WWOX: variants seen among roughly 807,000 people sequenced by gnomAD.
WWOX encodes WW domain containing oxidoreductase.
A neutral mutation model predicts 46.2 loss-of-function variants in WWOX; 69 were observed. The ratio of observed to expected loss-of-function variants is 1.49; its 90% confidence interval spans 1.23 to 1.82. The LOEUF (loss-of-function observed/expected upper bound fraction) is 1.82, where lower values mean the gene tolerates loss of function less well. Among genes scored for constraint, WWOX ranks in the 40% most tolerant of loss-of-function variants. The pLI is 0.00. For synonymous variants in WWOX, 359 were observed against 202.6 expected, an observed-to-expected ratio of 1.77 and a Z score of -6.56; for missense variants, 919 against 542.6, an observed-to-expected ratio of 1.69 and a Z score of -6.89.
chr16:78,625,911 A>G (rs1054892135), intron 8 of WWOX, among the ~76,000 whole-genome samples: 32 of 151,116 alleles, frequency 2.1e-4, no homozygotes, highest in African/African-American at 7.8e-4. Flanking sequence ...TAAGTTTTTA[A>G]GTAAGTTTAA....
At chr16:78,567,091 T>A (rs2044587818) in intron 8 of WWOX, among the ~76,000 whole-genome samples, 1 of 152,148 alleles carries the variant, frequency 6.6e-6, no homozygotes, top group Non-Finnish European at 1.5e-5. Flanking sequence ...ATTCTCAGTA[T>A]CAGAAGAAGA....
intron 8 of WWOX, among the ~76,000 whole-genome samples, chr16:78,822,462 C>G (rs1028075248): frequency 8.3e-6 from 1 of 120,420 alleles, no homozygotes; most frequent in Non-Finnish European, 1.8e-5. Flanking sequence ...CCAGTGTACT[C>G]CAGCCTGAGA....
intron 5 of WWOX, among the ~76,000 whole-genome samples, chr16:78,191,464 C>A (rs2035881452): frequency 6.6e-6 from 1 of 152,098 alleles, no homozygotes; most frequent in African/African-American, 2.4e-5. Context: ...AAATATGCCG[C>A]CACAATATAT....
intron 6 of WWOX, among the ~76,000 whole-genome samples, chr16:78,420,576 T>C (rs2082901456): frequency 1.3e-5 from 2 of 148,586 alleles, no homozygotes; most frequent in South Asian, 4.2e-4. Context: ...TAGGCGAATC[T>C]ATAGGACAGA....
At chr16:78,611,775 T>A (rs113146727) in intron 8 of WWOX, among the ~76,000 whole-genome samples, 4 of 152,302 alleles carry the variant, frequency 2.6e-5, no homozygotes, top group African/African-American at 9.6e-5. Context: ...CACTCCAGTA[T>A]CAGCTTCAGT....
intron 8 of WWOX, among the ~76,000 whole-genome samples, chr16:78,620,727 A>C (rs541581227): frequency 3.9e-5 from 6 of 152,298 alleles, no homozygotes; most frequent in African/African-American, 1.4e-4. Context: ...ATGGGTTAGC[A>C]AAATGCATAT....
rs139920179 is a variant in WWOX, at chr16:79,205,667, A to T, written c.1057-5941A>T. 3 of 152,348 alleles carry T rather than the reference A, an allele frequency of 2.0e-5. No homozygotes were observed. The East Asian group carries it at 5.8e-4, about 29-fold the overall frequency. 9.4% of individuals were successfully genotyped at this position (152,348 alleles called of 1,614,324 possible). A position where few individuals can be genotyped will look rare whatever the true frequency, so the allele number is the denominator to read the frequency against. On this transcript the variant is annotated intron_variant, in intron 8 of 8. Transcript: ENST00000566780. Reference sequence around the variant, plus strand: ...TAGCCTGTGAGTTAGCAAAACTCCCAAAGGTTTATGAAGAAAGTTACATTT... The same window carrying T: ...TAGCCTGTGAGTTAGCAAAACTCCCTAAGGTTTATGAAGAAAGTTACATTT...
intron 5 of WWOX, among the ~76,000 whole-genome samples, chr16:78,365,983 C>A (rs2081528047): frequency 6.6e-6 from 1 of 152,154 alleles, no homozygotes; most frequent in Non-Finnish European, 1.5e-5. Flanking sequence ...CAAGATGGGG[C>A]TTGTGATTTG....
At chr16:78,984,593 G>C (rs886401888) in intron 8 of WWOX, among the ~76,000 whole-genome samples, 1 of 152,214 alleles carries the variant, frequency 6.6e-6, no homozygotes, top group African/African-American at 2.4e-5. Flanking sequence ...TGTTCGGAGA[G>C]ATACTGACAT....
At chr16:79,196,135 C>T (rs1235217636) in intron 8 of WWOX, among the ~76,000 whole-genome samples, 1 of 152,178 alleles carries the variant, frequency 6.6e-6, no homozygotes, top group Non-Finnish European at 1.5e-5. Context: ...TACAGAAGTG[C>T]AGTGTGAGCA....
intron 8 of WWOX, among the ~76,000 whole-genome samples, chr16:78,909,966 G>C (rs1272319584): frequency 1.3e-5 from 2 of 152,156 alleles, no homozygotes; most frequent in Admixed American, 6.5e-5. Context: ...GTACATAAAA[G>C]AATGCAATTC....
intron 8 of WWOX, among the ~76,000 whole-genome samples, chr16:79,022,155 G>A (rs975830047): frequency 6.6e-6 from 1 of 152,170 alleles, no homozygotes; most frequent in African/African-American, 2.4e-5. Context: ...CAAGCAATTT[G>A]CTTTTGCTGG....
chr16:78,164,159 C>T (rs1259896256), intron 4 of WWOX, 24 bp from the exon 5 acceptor site: 1 of 1,604,602 alleles, frequency 6.2e-7, no homozygotes, highest in Non-Finnish European at 8.5e-7. Flanking sequence ...TGTTTTCTAA[C>T]ATTGACTTTC....
intron 8 of WWOX, among the ~76,000 whole-genome samples, chr16:78,861,851 A>T (rs946999438): frequency 6.6e-6 from 1 of 152,254 alleles, no homozygotes; most frequent in African/African-American, 2.4e-5. Context: ...CCATGTTTCC[A>T]GGCCTCTAAT....
At chr16:79,154,504 A>C (rs1247232300) in intron 8 of WWOX, among the ~76,000 whole-genome samples, 2 of 98,458 alleles carry the variant, frequency 2.0e-5, no homozygotes, top group East Asian at 2.4e-4. Context: ...CCTCTTTTGC[A>C]AAAAAAAAAA....
intron 8 of WWOX, among the ~76,000 whole-genome samples, chr16:78,805,019 C>G (rs2050992475): frequency 6.6e-6 from 1 of 152,190 alleles, no homozygotes; most frequent in South Asian, 2.1e-4. Flanking sequence ...TTTGCATGAG[C>G]AAAATGCCCC....
chr16:78,181,514 C>A (rs955591303), intron 5 of WWOX, among the ~76,000 whole-genome samples: 2 of 152,118 alleles, frequency 1.3e-5, no homozygotes, highest in Non-Finnish European at 2.9e-5. Context: ...TGACTTTAAG[C>A]CTTAATGAAA....
chr16:78,449,181 T>C (rs1387118176), intron 8 of WWOX, among the ~76,000 whole-genome samples: 4 of 152,184 alleles, frequency 2.6e-5, no homozygotes, highest in African/African-American at 9.7e-5. Flanking sequence ...GCCTGGTGTT[T>C]GGTTCCTTGC....
At chr16:78,311,366 T>G (rs150244354) in intron 5 of WWOX, among the ~76,000 whole-genome samples, 4 of 152,218 alleles carry the variant, frequency 2.6e-5, no homozygotes, top group Admixed American at 2.6e-4. Context: ...ATTCAGTTCC[T>G]ACCACAAGGT....
Sources: gnomAD v4.1 joint callset for allele counts (sites outside exome capture counted in the v4.1 genomes callset) on GRCh38, gnomAD v4.1.1 for gene constraint, MANE v1.5 for transcripts, NCBI Gene and HGNC (gene_info 2026-07-23, HGNC 2026-07-21) for gene names.